The following UNC80 variants were observed in gnomAD, a reference collection of about 807,000 sequenced individuals.
The protein encoded by UNC80 is unc-80 subunit of NALCN channel complex.
Under a neutral mutation model 384.6 loss-of-function variants are expected in UNC80, and 164 were observed. The ratio of observed to expected loss-of-function variants is 0.43; its 90% CI spans 0.38 to 0.49. The LOEUF is 0.49. UNC80 is among the 20% of genes least tolerant of loss of function. The pLI is 0.00. For missense variants in UNC80, 3,330 were observed against 4,143.0 expected (o/e 0.80, Z 5.39); for synonymous variants, 1,486 against 1,527.8 (o/e 0.97, Z 0.64).
chr2:209,910,362 A>G (rs2088776742), intron 29 of UNC80, among the ~76,000 whole-genome samples: 1 of 151,848 alleles, frequency 6.6e-6, no homozygotes, highest in African/African-American at 2.4e-5. Flanking sequence ...GGACTTTAAG[A>G]CCTTTACAAG....
intron 47 of UNC80, among the ~76,000 whole-genome samples, chr2:209,952,224 G>A (rs1189901253): frequency 2.0e-5 from 3 of 151,836 alleles, no homozygotes; most frequent in African/African-American, 7.3e-5. Context: ...AGCAGGACTG[G>A]GTAATTTTGA....
intron 9 of UNC80, 95 bp downstream of exon 9, chr2:209,815,486 G>A (rs1250517882): frequency 7.4e-6 from 10 of 1,352,602 alleles, no homozygotes; most frequent in Admixed American, 4.9e-5. Context: ...TATGGGGTGA[G>A]GTGGGAAAGG....
intron 22 of UNC80, among the ~76,000 whole-genome samples, chr2:209,864,479 C>G (rs539215455): frequency 3.3e-5 from 5 of 152,178 alleles, no homozygotes; most frequent in African/African-American, 4.8e-5. Context: ...TCTGCTGGCC[C>G]GAAGAAGAGA....
chr2:209,788,040 ATG>A (rs955344270), intron 5 of UNC80, among the ~76,000 whole-genome samples: 12 of 152,174 alleles, frequency 7.9e-5, no homozygotes, highest in African/African-American at 2.2e-4. Flanking sequence ...GCCTAGGCTA[ATG>A]TGTGTGTTTG....
chr2:209,884,181 AT>A (rs1265711160), intron 25 of UNC80, among the ~76,000 whole-genome samples: 3 of 152,242 alleles, frequency 2.0e-5, no homozygotes, highest in African/African-American at 7.2e-5. Flanking sequence ...CAACAAAGGA[AT>A]ATTTTTTAAA....
In UNC80 at chr2:209,994,018, G is replaced by A. The variant is rs373690269; in HGVS notation, c.9509-47G>A. The A allele has an allele frequency of 3.7e-5, 56 of 1,501,388 alleles. 1 individual carries two copies. The highest frequency in any genetic ancestry group is 3.4e-4 in the South Asian group (26 of 77,124). The allele number at this position is 1,501,388 out of a possible 1,614,324, so 93.0% of individuals were successfully genotyped here. ...ACCAACTATTAAGCATTGACGGTCC[G>A]TTTCCACCAACTCCTCCCCAATTTA... is the stretch of plus-strand genomic sequence containing the variant. On this transcript the variant is annotated intron_variant, in intron 63 of 64. Transcript: ENST00000673920.
intron 54 of UNC80, among the ~76,000 whole-genome samples, chr2:209,971,655 A>G (rs1017578518): frequency 1.3e-5 from 2 of 152,228 alleles, no homozygotes; most frequent in African/African-American, 4.8e-5. Context: ...GAATGGGTAG[A>G]TGGTAGAAAA....
chr2:209,991,353 C>T (rs1207856835), intron 61 of UNC80, among the ~76,000 whole-genome samples: 1 of 152,172 alleles, frequency 6.6e-6, no homozygotes, highest in Non-Finnish European at 1.5e-5. Flanking sequence ...TTTATACATG[C>T]ATGCAGAATG....
chr2:209,904,298 G>C (rs894697032), intron 28 of UNC80, among the ~76,000 whole-genome samples: 1 of 152,102 alleles, frequency 6.6e-6, no homozygotes, highest in Non-Finnish European at 1.5e-5. Flanking sequence ...GAGAAGAAGT[G>C]GAAATGTTTT....
intron 33 of UNC80, among the ~76,000 whole-genome samples, chr2:209,920,654 A>G (rs2089958971): frequency 1.3e-5 from 2 of 152,274 alleles, no homozygotes; most frequent in Admixed American, 6.5e-5. Context: ...CATATTTTTC[A>G]TTCCATAACT....
At chr2:209,841,572 G>A (rs1055909547) in intron 20 of UNC80, among the ~76,000 whole-genome samples, 3 of 151,968 alleles carry the variant, frequency 2.0e-5, no homozygotes, top group African/African-American at 4.8e-5. Context: ...GGATGGTCTC[G>A]ATCTCTTGAT....
chr2:209,950,307 C>G (rs1395832870), intron 47 of UNC80, among the ~76,000 whole-genome samples: 1 of 151,870 alleles, frequency 6.6e-6, no homozygotes, highest in Non-Finnish European at 1.5e-5. Context: ...AATTTATTGA[C>G]AGAAATTTGT....
chr2:209,945,377 T>A (rs1035306756), intron 46 of UNC80, among the ~76,000 whole-genome samples, 188 bp downstream of exon 46: 1 of 152,304 alleles, frequency 6.6e-6, no homozygotes, highest in East Asian at 1.9e-4. Context: ...TTCTTATGAA[T>A]CCTAAAGAGT....
intron 4 of UNC80, among the ~76,000 whole-genome samples, chr2:209,781,047 G>A (rs2077130771): frequency 6.6e-6 from 1 of 152,152 alleles, no homozygotes; most frequent in Admixed American, 6.5e-5. Context: ...TTTCCCCTCA[G>A]GTTCCCACTC....
intron 21 of UNC80, among the ~76,000 whole-genome samples, chr2:209,843,461 AGTT>A (rs1262280823): frequency 1.3e-5 from 2 of 152,150 alleles, no homozygotes; most frequent in African/African-American, 4.8e-5. Flanking sequence ...CTTAGGAGGT[AGTT>A]AAGTCACTCC....
chr2:209,826,440 T>C (rs564942013), intron 14 of UNC80, among the ~76,000 whole-genome samples: 6 of 152,292 alleles, frequency 3.9e-5, no homozygotes, highest in East Asian at 3.9e-4. Context: ...ATATTGCATA[T>C]TGGAGAAAGG....
intron 7 of UNC80, among the ~76,000 whole-genome samples, chr2:209,799,213 A>G (rs538631627): frequency 4.8e-4 from 73 of 151,950 alleles, no homozygotes; most frequent in African/African-American, 1.7e-3. Flanking sequence ...AGGAAGATGG[A>G]ATGTTTTTCC....
intron 7 of UNC80, among the ~76,000 whole-genome samples, chr2:209,810,842 A>C (rs988768979): frequency 3.3e-5 from 5 of 152,174 alleles, no homozygotes; most frequent in African/African-American, 1.2e-4. Context: ...ATAATAAATC[A>C]AATGATTTTC....
At chr2:209,965,860 TG>T (rs1319672687) in intron 51 of UNC80, among the ~76,000 whole-genome samples, 1 of 151,794 alleles carries the variant, frequency 6.6e-6, no homozygotes, top group African/African-American at 2.4e-5. Flanking sequence ...ATGACTATTA[TG>T]GGCTCTTTCA....
Sources: allele counts gnomAD v4.1 joint callset (sites outside exome capture counted in the v4.1 genomes callset), GRCh38; gene constraint gnomAD v4.1.1; transcripts MANE v1.5; gene names NCBI Gene and HGNC (gene_info 2026-07-23, HGNC 2026-07-21).